ESRRB: variants seen among roughly 807,000 people sequenced by gnomAD.
ESRRB encodes estrogen related receptor beta, also known as steroid hormone receptor ERR2.
ESRRB carries 16 observed loss-of-function variants against 46.0 expected under a neutral mutation model. The ratio of observed to expected loss-of-function variants is 0.35; its 90% confidence interval spans 0.24 to 0.53. The LOEUF is 0.53. Ranked by LOEUF, ESRRB falls within the 20% of genes least tolerant of loss-of-function variation. ESRRB has a pLI of 0.93. For missense variants in ESRRB, 488 were observed against 607.4 expected (o/e 0.80, Z 2.07); for synonymous variants, 246 against 259.6 (o/e 0.95, Z 0.50).
intron 1 of ESRRB, among the ~76,000 whole-genome samples, chr14:76,359,847 G>A (rs962140684): frequency 3.9e-5 from 6 of 152,248 alleles, no homozygotes; most frequent in East Asian, 1.9e-4. Context: ...GATGTGACTC[G>A]TATTTGCTGG....
chr14:76,400,998 C>T (rs1022806330), intron 1 of ESRRB, among the ~76,000 whole-genome samples: 6 of 152,158 alleles, frequency 3.9e-5, no homozygotes, highest in African/African-American at 1.4e-4. Flanking sequence ...AGTTGCCAGA[C>T]ACATGTGTGA....
intron 1 of ESRRB, among the ~76,000 whole-genome samples, chr14:76,337,905 T>C (rs1176670021): frequency 2.6e-5 from 4 of 152,248 alleles, no homozygotes; most frequent in African/African-American, 7.2e-5. Context: ...TCTTGCCCGA[T>C]GGGGCCTGTA....
intron 1 of ESRRB, among the ~76,000 whole-genome samples, chr14:76,313,705 C>T (rs181182143): frequency 5.0e-4 from 76 of 152,342 alleles, no homozygotes; most frequent in Non-Finnish European, 8.4e-4. Context: ...CCAAAGACCA[C>T]GAGCAGCTTT....
intron 1 of ESRRB, among the ~76,000 whole-genome samples, chr14:76,423,754 A>AGT (rs1338042465): frequency 1.3e-5 from 2 of 152,160 alleles, no homozygotes; most frequent in Non-Finnish European, 2.9e-5. Flanking sequence ...TCTATTCTAG[A>AGT]CACTGGAGTA....
intron 2 of ESRRB, among the ~76,000 whole-genome samples, chr14:76,443,200 C>T (rs544315763): frequency 2.3e-4 from 35 of 152,094 alleles, no homozygotes; most frequent in Non-Finnish European, 2.9e-4. Flanking sequence ...CAGTAGAGCA[C>T]GTTTTCCTGA....
In ESRRB at chr14:76,354,234, CCA is replaced by C. The variant is rs1491238646; in HGVS notation, c.2+43320_2+43321del. Among the ~76,000 whole-genome samples the C allele has an allele frequency of 7.7e-3, 757 of 98,296 alleles. 14 individuals are homozygous for C. The highest frequency in any genetic ancestry group is 0.034 in the East Asian group (54 of 1,608). The allele number at this position is 98,296 out of a possible 152,430, so 64.5% of individuals were successfully genotyped here. A position where few individuals can be genotyped will look rare whatever the true frequency, so the allele number is the denominator to read the frequency against. ...CAGGGTCCTCTACCCGCCCCCCCCC[CCA>C]CCCACACTTCCACCCTCACCTCTCC... On this transcript the variant is annotated intron_variant, in intron 1 of 6. Transcript: ENST00000512784.
At chr14:76,332,838 TATA>T (rs1380960547) in intron 1 of ESRRB, among the ~76,000 whole-genome samples, 51 of 23,224 alleles carry the variant, frequency 2.2e-3, no homozygotes, top group South Asian at 5.5e-3. Context: ...TTATATATTA[TATA>T]TTTATATATT....
At chr14:76,479,065 A>G (rs993142305) in intron 3 of ESRRB, among the ~76,000 whole-genome samples, 5 of 152,108 alleles carry the variant, frequency 3.3e-5, no homozygotes, top group Non-Finnish European at 5.9e-5. Flanking sequence ...TGTCCGTGCA[A>G]ATCACCTTGT....
chr14:76,342,618 A>G (rs551777082), intron 1 of ESRRB, among the ~76,000 whole-genome samples: 2 of 152,362 alleles, frequency 1.3e-5, no homozygotes, highest in African/African-American at 4.8e-5. Context: ...GTTATAGGCT[A>G]TGGAGCCAAA....
chr14:76,358,376 AAAGAAAGAAAGAAAGAAAGAAAGAAAG>A, intron 1 of ESRRB, among the ~76,000 whole-genome samples: 1 of 105,898 alleles, frequency 9.4e-6, no homozygotes, highest in Non-Finnish European at 2.0e-5. Context: ...AGAAAGAAAG[AAAGAAAGAAAGAAAGAAAGAAAGAAAG>A]AAAGAAAGAA....
intron 1 of ESRRB, among the ~76,000 whole-genome samples, chr14:76,400,136 C>G (rs1218443553): frequency 2.0e-5 from 3 of 152,196 alleles, no homozygotes; most frequent in Admixed American, 6.5e-5. Flanking sequence ...ATACACACCC[C>G]CTCCTGCTCC....
intron 1 of ESRRB, among the ~76,000 whole-genome samples, chr14:76,420,558 A>AGTGTGTGTGTGTGTGTGTGTGTGAGT (rs1886899134): frequency 2.1e-5 from 3 of 142,362 alleles, no homozygotes; most frequent in Non-Finnish European, 4.6e-5. Flanking sequence ...ACAGGGTGTG[A>AGTGTGTGTGTGTGTGTGTGTGTGAGT]GTGTGTGTGT....
chr14:76,326,972 T>G (rs996236400), intron 1 of ESRRB, among the ~76,000 whole-genome samples: 1 of 152,196 alleles, frequency 6.6e-6, no homozygotes, highest in Non-Finnish European at 1.5e-5. Context: ...CCATGCCCAG[T>G]TTTTGGCAGC....
intron 1 of ESRRB, among the ~76,000 whole-genome samples, chr14:76,411,857 T>C (rs1886457773): frequency 6.6e-6 from 1 of 152,210 alleles, no homozygotes; most frequent in Non-Finnish European, 1.5e-5. Context: ...AAGAATAGTA[T>C]TATTCTGTTA....
At chr14:76,469,950 T>G (rs1247435342) in intron 3 of ESRRB, among the ~76,000 whole-genome samples, 4 of 132,858 alleles carry the variant, frequency 3.0e-5, no homozygotes, top group African/African-American at 9.1e-5. Flanking sequence ...TTTTCTTTTT[T>G]TTTTTTTTTT....
chr14:76,347,983 G>GA (rs923406089), intron 1 of ESRRB, among the ~76,000 whole-genome samples: 1 of 152,166 alleles, frequency 6.6e-6, no homozygotes, highest in African/African-American at 2.4e-5. Flanking sequence ...GATGTCATAA[G>GA]AATGACATCT....
In ESRRB at chr14:76,354,387, A is replaced by G. The variant is rs551470428; in HGVS notation, c.2+43471A>G. ...CTAGTACGATGCCAGGGACATGGCA[A>G]GTGCTCCTGCGATGAAGCCAGGCTC... is the stretch of plus-strand genomic sequence containing the variant. On this transcript the variant is annotated intron_variant, in intron 1 of 6. Transcript: ENST00000512784. Among the ~76,000 whole-genome samples the G allele has an allele frequency of 1.6e-4, 24 of 152,148 alleles. 1 individual carries two copies. Among genetic ancestry groups the G allele is most frequent in the African/African-American group, 5.1e-4 (21 of 41,510 alleles).
intron 2 of ESRRB, among the ~76,000 whole-genome samples, chr14:76,455,502 T>C (rs192781489): frequency 2.6e-4 from 40 of 152,260 alleles, no homozygotes; most frequent in African/African-American, 9.4e-4. Context: ...CTATTTTGCC[T>C]GTTGCCATTT....
intron 1 of ESRRB, among the ~76,000 whole-genome samples, chr14:76,416,748 T>A (rs951139707): frequency 6.6e-6 from 1 of 152,100 alleles, no homozygotes; most frequent in Non-Finnish European, 1.5e-5. Context: ...GGATTTCAGG[T>A]GTGAGCCACT....
Sources: allele counts gnomAD v4.1 joint callset (sites outside exome capture counted in the v4.1 genomes callset), GRCh38; gene constraint gnomAD v4.1.1; transcripts MANE v1.5; gene names NCBI Gene and HGNC (gene_info 2026-07-23, HGNC 2026-07-21).